LACTB: variants seen among roughly 807,000 people sequenced by gnomAD.
LACTB encodes the protein lactamase beta, also known as serine beta-lactamase-like protein LACTB, mitochondrial.
LACTB carries 35 observed loss-of-function variants against 50.2 expected under a neutral mutation model. That is an observed-to-expected ratio of 0.70 (90% confidence interval 0.53 to 0.92). LACTB has a LOEUF of 0.92. LACTB is among the 40% of genes least tolerant of loss of function. LACTB has a pLI of 0.00. For missense variants in LACTB, 664 were observed against 691.8 expected, an observed-to-expected ratio of 0.96 and a Z score of 0.45; for synonymous variants, 252 against 268.2, an observed-to-expected ratio of 0.94 and a Z score of 0.59.
At chr15:63,124,076 G>C (rs2037015544) in intron 2 of LACTB, among the ~76,000 whole-genome samples, 2 of 152,156 alleles carry the variant, frequency 1.3e-5, no homozygotes, top group Non-Finnish European at 2.9e-5. Context: ...ACCACGGTCC[G>C]GCTGGCAACG....
At chr15:63,141,254 C>T (rs1440309547) in intron 5 of LACTB, 26 bp from the exon 6 acceptor site, 2 of 1,558,084 alleles carry the variant, frequency 1.3e-6, no homozygotes, top group African/African-American at 1.4e-5. Context: ...TGAAATTTTT[C>T]ATGATCATTT....
At chr15:63,140,661 T>A (rs1451839178) in intron 5 of LACTB, among the ~76,000 whole-genome samples, 1 of 152,186 alleles carries the variant, frequency 6.6e-6, no homozygotes, top group Admixed American at 6.5e-5. Context: ...TTAGAATTTT[T>A]TTTTAGATAG....
rs199722617 is a variant in LACTB, at chr15:63,134,128, CTCTT to C, written c.1118+4479_1118+4482del. Among the ~76,000 whole-genome samples, 24 of 152,086 alleles carry C rather than the reference CTCTT, an allele frequency of 1.6e-4. No individual in the cohort carries two copies. The East Asian group carries it at 3.5e-3, about 22-fold the overall frequency. On this transcript the variant is annotated intron_variant, in intron 5 of 5. Transcript: ENST00000261893. ...CTGATTTTTATCTGTTTACTCCTCTCTCTTCATACCATAGTGGTTTTCAAACTGT... is the reference window on the plus strand; with the variant it reads ...CTGATTTTTATCTGTTTACTCCTCTCCATACCATAGTGGTTTTCAAACTGT...
chr15:63,129,673 G>A (rs772952781), intron 5 of LACTB, 23 bp downstream of exon 5: 2 of 1,506,060 alleles, frequency 1.3e-6, no homozygotes, highest in South Asian at 1.4e-5. Flanking sequence ...CTTCTGCTGT[G>A]TCTAGCTATA....
Position 63,127,345 on chromosome 15 carries a change from A to T in LACTB, c.616-8A>T. ...ATTGTAATTGAATTTTCATGTTTTT[A>T]CAATTAGGTTTCTGTCACAACAAGA... On this transcript the variant is annotated splice_polypyrimidine_tract_variant and splice_region_variant and intron_variant, in intron 3 of 5. Transcript: ENST00000261893. The T allele has an allele frequency of 6.5e-7, 1 of 1,528,814 alleles. No individual in the cohort carries two copies. Among genetic ancestry groups the T allele is most frequent in the Non-Finnish European group, 8.8e-7 (1 of 1,135,728 alleles). 94.7% of individuals were successfully genotyped at this position (1,528,814 alleles called of 1,614,324 possible).
chr15:63,139,660 A>G (rs889564154), intron 5 of LACTB, among the ~76,000 whole-genome samples: 1 of 151,760 alleles, frequency 6.6e-6, no homozygotes, highest in Non-Finnish European at 1.5e-5. Context: ...TCTCAAAAAT[A>G]AATAAGTAAA....
intron 1 of LACTB, 145 bp from the exon 2 acceptor site, chr15:63,122,491 C>A (rs1450414143): frequency 1.3e-6 from 1 of 773,370 alleles, no homozygotes; most frequent in South Asian, 1.5e-5. Context: ...TAGTGAGTGA[C>A]CATGGCCTGG....
intron 2 of LACTB, 119 bp from the exon 3 acceptor site, chr15:63,126,740 G>GGA: frequency 2.0e-6 from 1 of 511,976 alleles, no homozygotes; most frequent in Non-Finnish European, 3.4e-6. Context: ...TTATAAAAGT[G>GGA]GAGTATCTTT....
chr15:63,136,972 C>T (rs62011184), intron 5 of LACTB, among the ~76,000 whole-genome samples: 3,537 of 152,228 alleles, frequency 0.023, 81 homozygotes, highest in East Asian at 0.14. Flanking sequence ...TAGTACCATA[C>T]GGTGTCTGTC....
chr15:63,131,966 AG>A (rs1194039430), intron 5 of LACTB, among the ~76,000 whole-genome samples: 1 of 151,994 alleles, frequency 6.6e-6, no homozygotes, highest in Non-Finnish European at 1.5e-5. Context: ...AAAAAAAAAA[AG>A]AATATGATGA....
intron 5 of LACTB, among the ~76,000 whole-genome samples, chr15:63,139,545 C>T (rs568895281): frequency 2.6e-5 from 4 of 151,288 alleles, no homozygotes; most frequent in East Asian, 1.9e-4. Flanking sequence ...CCCAGCTACT[C>T]GGGAGGCTGA....
chr15:63,125,481 A>G (rs2037039962), intron 2 of LACTB, among the ~76,000 whole-genome samples: 1 of 152,106 alleles, frequency 6.6e-6, no homozygotes, highest in Non-Finnish European at 1.5e-5. Flanking sequence ...AATTTTTTAA[A>G]AAAGGAAAAT....
chr15:63,141,776 C>A lies in LACTB; in HGVS notation c.1615C>A (p.Leu539Ile). 1 of 1,613,264 alleles carries A rather than the reference C, an allele frequency of 6.2e-7. No homozygotes were observed. The highest frequency in any genetic ancestry group is 1.1e-5 in the South Asian group (1 of 91,066). Residue 539 changes from leucine to isoleucine, a missense_variant, in exon 6 of 6, where the codon CTT becomes ATT. Coordinates refer to ENST00000261893, the MANE Select transcript of LACTB (RefSeq NM_032857.5). ...CAATAGCACCGCTTTGAAGATTGCCCTTGAATTTGATAAAGACAGATCAGA... is the reference window on the plus strand; with the variant it reads ...CAATAGCACCGCTTTGAAGATTGCCATTGAATTTGATAAAGACAGATCAGA... ...GLNSTALKIA[L>I]EFDKDRSD
chr15:63,126,738 G>C (rs1253650967), intron 2 of LACTB, 121 bp from the exon 3 acceptor site: 2 of 508,644 alleles, frequency 3.9e-6, no homozygotes, highest in Non-Finnish European at 6.8e-6. Context: ...ACTTATAAAA[G>C]TGGAGTATCT....
chr15:63,121,950 G>A lies in LACTB; in HGVS notation c.79G>A (p.Val27Ile), dbSNP rs926506385. ...GLASSCGRRG[V>I]HQRAGLPPLG... Reference sequence around the variant, plus strand: ...GGCCTCAAGCTGCGGACGACGCGGGGTCCATCAGCGCGCCGGGCTGCCGCC... The same window carrying A: ...GGCCTCAAGCTGCGGACGACGCGGGATCCATCAGCGCGCCGGGCTGCCGCC... Residue 27 changes from valine to isoleucine, a missense_variant, in exon 1 of 6, where the codon GTC (valine) becomes ATC (isoleucine). Val to Ile is a conservative substitution (Grantham distance 29). Coordinates refer to ENST00000261893, the MANE Select transcript of LACTB (RefSeq NM_032857.5). 7.2e-7 allele frequency: 1 copy of A among 1,398,476 alleles called. No individual in the cohort carries two copies. Among genetic ancestry groups the A allele is most frequent in the Non-Finnish European group, 9.2e-7 (1 of 1,084,928 alleles). 86.6% of individuals were successfully genotyped at this position (1,398,476 alleles called of 1,614,324 possible).
At chr15:63,131,712 A>G (rs770314156) in intron 5 of LACTB, among the ~76,000 whole-genome samples, 7 of 152,204 alleles carry the variant, frequency 4.6e-5, no homozygotes, top group Non-Finnish European at 8.8e-5. Context: ...TGGGAGGCCA[A>G]GGCAGGAGGA....
intron 2 of LACTB, among the ~76,000 whole-genome samples, chr15:63,123,412 C>T (rs117721795): frequency 6.6e-6 from 1 of 152,232 alleles, no homozygotes; most frequent in East Asian, 1.9e-4. Context: ...GTGCTAAGTA[C>T]TGGGGTTATA....
intron 5 of LACTB, among the ~76,000 whole-genome samples, chr15:63,132,461 A>G (rs1204162226): frequency 6.6e-6 from 1 of 152,218 alleles, no homozygotes; most frequent in African/African-American, 2.4e-5. Flanking sequence ...GATAGTAAAC[A>G]TTAAAATGCT....
chr15:63,128,129 A>G (rs770693944), intron 4 of LACTB, among the ~76,000 whole-genome samples: 4 of 152,172 alleles, frequency 2.6e-5, no homozygotes, highest in Non-Finnish European at 2.9e-5. Context: ...ACAAATAATT[A>G]TCTTTGTTTT....
Sources: allele counts gnomAD v4.1 joint callset (sites outside exome capture counted in the v4.1 genomes callset), GRCh38; gene constraint gnomAD v4.1.1; transcripts MANE v1.5; gene names NCBI Gene and HGNC (gene_info 2026-07-23, HGNC 2026-07-21).